The following PPP4R4 variants were observed in gnomAD, a reference collection of about 807,000 sequenced individuals.
PPP4R4 encodes the protein protein phosphatase 4 regulatory subunit 4, also known as serine/threonine-protein phosphatase 4 regulatory subunit 4.
In PPP4R4, 70 loss-of-function variants were observed where a neutral mutation model predicts 121.8. The observed-to-expected ratio is 0.57, with a 90% CI of 0.47 to 0.70. The LOEUF (loss-of-function observed/expected upper bound fraction) is 0.70. PPP4R4 is among the 30% of genes least tolerant of loss of function. The pLI is 0.00. For missense variants in PPP4R4, 875 were observed against 1,033.6 expected, an observed-to-expected ratio of 0.85 and a Z score of 2.10; for synonymous variants, 348 against 355.7, an observed-to-expected ratio of 0.98 and a Z score of 0.24.
chr14:94,240,039 A>G (rs1239789125), intron 8 of PPP4R4, among the ~76,000 whole-genome samples: 1 of 152,184 alleles, frequency 6.6e-6, no homozygotes, highest in African/African-American at 2.4e-5. Context: ...GAAGTGATTC[A>G]TTTCTGAAAT....
intron 23 of PPP4R4, 72 bp from the exon 24 acceptor site, chr14:94,275,302 C>A: frequency 6.6e-7 from 1 of 1,524,352 alleles, no homozygotes; most frequent in Non-Finnish European, 9.0e-7. Flanking sequence ...CTATCATTAA[C>A]CTTTTCTTCT....
intron 5 of PPP4R4, 38 bp from the exon 6 acceptor site, chr14:94,233,615 A>C (rs767158627): frequency 4.3e-6 from 6 of 1,395,660 alleles, no homozygotes; most frequent in Non-Finnish European, 6.0e-6. Context: ...TGAATGTATA[A>C]AATTTTGTGA....
At chr14:94,180,762 C>T (rs1888934732) in intron 2 of PPP4R4, among the ~76,000 whole-genome samples, 1 of 152,012 alleles carries the variant, frequency 6.6e-6, no homozygotes, top group South Asian at 2.1e-4. Context: ...ACAGAAGGCA[C>T]ACACCACCTC....
chr14:94,232,787 G>A (rs571871490), intron 5 of PPP4R4, among the ~76,000 whole-genome samples: 2 of 152,184 alleles, frequency 1.3e-5, no homozygotes, highest in East Asian at 1.9e-4. Context: ...GGCTGGGCGC[G>A]GTGGCTCACA....
intron 2 of PPP4R4, among the ~76,000 whole-genome samples, chr14:94,200,574 C>T (rs1353062478): frequency 6.6e-6 from 1 of 152,156 alleles, no homozygotes; most frequent in African/African-American, 2.4e-5. Flanking sequence ...GGGTTGTATA[C>T]TTCCAAGAAT....
chr14:94,256,427 C>A (rs6575403), intron 16 of PPP4R4, 33 bp from the exon 17 acceptor site: 647,569 of 1,496,772 alleles, frequency 0.43, 149,151 homozygotes, highest in African/African-American at 0.78. Flanking sequence ...TAGTTATTAA[C>A]TTCACTCAAG....
chr14:94,227,650 C>T, intron 3 of PPP4R4: 1 of 1,127,514 alleles, frequency 8.9e-7, no homozygotes, highest in Non-Finnish European at 1.1e-6. Context: ...GAGAGCTTCT[C>T]ATGTTCTTCC....
intron 5 of PPP4R4, among the ~76,000 whole-genome samples, chr14:94,231,906 G>T (rs368426808): frequency 4.6e-5 from 7 of 151,968 alleles, no homozygotes; most frequent in South Asian, 4.1e-4. Context: ...TACATTTAAT[G>T]GGCCAAAAAT....
chr14:94,268,797 G>C (rs778291276), intron 23 of PPP4R4, among the ~76,000 whole-genome samples: 23 of 152,038 alleles, frequency 1.5e-4, no homozygotes, highest in Non-Finnish European at 3.2e-4. Flanking sequence ...AACAGCATGG[G>C]AAAAATTCGC....
chr14:94,261,149 T>G (rs1893765392), intron 19 of PPP4R4, among the ~76,000 whole-genome samples: 2 of 152,164 alleles, frequency 1.3e-5, no homozygotes, highest in Non-Finnish European at 2.9e-5. Flanking sequence ...ATTTATAAGT[T>G]TATCTTTTAA....
At chr14:94,270,496 G>C (rs1894267283) in intron 23 of PPP4R4, among the ~76,000 whole-genome samples, 2 of 152,184 alleles carry the variant, frequency 1.3e-5, no homozygotes, top group African/African-American at 4.8e-5. Context: ...ACTATAAAAT[G>C]CTGGTAATCA....
At chr14:94,214,388 G>A (rs770150580) in intron 3 of PPP4R4, among the ~76,000 whole-genome samples, 2 of 151,746 alleles carry the variant, frequency 1.3e-5, no homozygotes, top group African/African-American at 2.4e-5. Context: ...CTTTTATTTC[G>A]GTGCATGCCC....
chr14:94,251,819 A>G lies in PPP4R4; in HGVS notation c.1788A>G (p.Ile596Met), dbSNP rs771364976. Reference sequence around the variant, plus strand: ...ATACCTGTGAATTTATTATAGAGATATTTTCAAAATCATTTTTCTGTAAAT... The same window carrying G: ...ATACCTGTGAATTTATTATAGAGATGTTTTCAAAATCATTTTTCTGTAAAT... ...FLDTCEFIIE[I>M]FSKSFFCKYF... is the part of the protein sequence containing the mutation. Residue 596 changes from isoleucine to methionine, a missense_variant, in exon 16 of 25, where the codon ATA becomes ATG. Ile to Met is a conservative substitution (Grantham distance 10, BLOSUM62 1). Coordinates refer to ENST00000304338, the MANE Select transcript of PPP4R4 (RefSeq NM_058237.2). 6.3e-7 allele frequency: 1 copy of G among 1,597,898 alleles called. No individual in the cohort carries two copies. Among genetic ancestry groups the G allele is most frequent in the Non-Finnish European group, 8.6e-7 (1 of 1,169,288 alleles).
At position 94,218,650 on chromosome 14, in the gene PPP4R4, C is replaced by T. The variant is rs535231779; in HGVS notation, c.294+10084C>T. ...CACACACACCCCCCTCACCTCTAGACACTGCGCGCGCGCACACACACACAC... is the reference window on the plus strand; with the variant it reads ...CACACACACCCCCCTCACCTCTAGATACTGCGCGCGCGCACACACACACAC... On this transcript the variant is annotated intron_variant, in intron 3 of 24. Transcript: ENST00000304338. Among the ~76,000 whole-genome samples the T allele has an allele frequency of 3.0e-5, 3 of 101,252 alleles. No individual in the cohort carries two copies. The East Asian group carries it at 1.0e-3, about 35-fold the overall frequency. The allele number at this position is 101,252 out of a possible 152,430, so 66.4% of individuals were successfully genotyped here. A position where few individuals can be genotyped will look rare whatever the true frequency, so the allele number is the denominator to read the frequency against.
At chr14:94,269,368 A>G (rs566349613) in intron 23 of PPP4R4, among the ~76,000 whole-genome samples, 2 of 152,208 alleles carry the variant, frequency 1.3e-5, no homozygotes, top group African/African-American at 4.8e-5. Context: ...AGTATAATGG[A>G]GTAGTGTTAC....
intron 2 of PPP4R4, among the ~76,000 whole-genome samples, chr14:94,178,757 A>G (rs966659188): frequency 5.3e-5 from 8 of 152,338 alleles, no homozygotes; most frequent in East Asian, 3.9e-4. Flanking sequence ...AAGCAAAACA[A>G]CTTTCCTAAT....
Position 94,233,712 on chromosome 14 carries a change from T to G in PPP4R4, c.576T>G (p.Val192=), listed in dbSNP as rs1415271293. ...QLSQTVQSRL[V]SCKILGKLTN... Reference sequence around the variant, plus strand: ...CCCAAACAGTCCAGTCTCGTTTAGTTAGTTGTAAAATTTTAGGAAAATTGA... The same window carrying G: ...CCCAAACAGTCCAGTCTCGTTTAGTGAGTTGTAAAATTTTAGGAAAATTGA... The change falls in exon 6 of 25, where the codon GTT becomes GTG. Residue 192 remains valine, a synonymous_variant. Transcript: ENST00000304338. The G allele has an allele frequency of 6.2e-7, 1 of 1,605,940 alleles. No individual in the cohort carries two copies. The highest frequency in any genetic ancestry group is 8.5e-7 in the Non-Finnish European group (1 of 1,173,978).
At chr14:94,199,670 T>A (rs1890065420) in intron 2 of PPP4R4, among the ~76,000 whole-genome samples, 1 of 152,092 alleles carries the variant, frequency 6.6e-6, no homozygotes, top group Admixed American at 6.5e-5. Context: ...GAAAGGTAGT[T>A]TTCCCCTGGA....
In PPP4R4 at chr14:94,275,443, G is replaced by A. The variant is rs1156873687; in HGVS notation, c.2519G>A (p.Ser840Asn). 6 of 1,613,818 alleles carry A rather than the reference G, an allele frequency of 3.7e-6. No homozygotes were observed. Among genetic ancestry groups the A allele is most frequent in the South Asian group, 1.1e-5 (1 of 91,082 alleles). Residue 840 changes from serine to asparagine, a missense_variant, in exon 24 of 25, where the codon AGT becomes AAT. Transcript: ENST00000304338. ...SSFSPNTPLP[S>N]TSRGTGNSVD... ...TTTTCTCCTAATACTCCCTTACCGA[G>A]TACTTCCCGTGGGACAGGTAACTCA...
Sources: gnomAD v4.1 joint callset for allele counts (sites outside exome capture counted in the v4.1 genomes callset) on GRCh38, gnomAD v4.1.1 for gene constraint, MANE v1.5 for transcripts, NCBI Gene and HGNC (gene_info 2026-07-23, HGNC 2026-07-21) for gene names.